MIA2: variants seen among roughly 807,000 people sequenced by gnomAD.
The protein encoded by MIA2 is melanoma inhibitory activity protein 2.
MIA2 carries 127 observed loss-of-function variants against 167.8 expected under a neutral mutation model. The ratio of observed to expected loss-of-function variants is 0.76; its 90% CI spans 0.66 to 0.88. The LOEUF is 0.88. Ranked by LOEUF, MIA2 falls within the 40% of genes least tolerant of loss-of-function variation. The pLI is 0.00. For missense variants in MIA2, 1,690 were observed against 1,624.7 expected, an observed-to-expected ratio of 1.04 and a Z score of -0.69; for synonymous variants, 552 against 541.9, an observed-to-expected ratio of 1.02 and a Z score of -0.26.
At chr14:39,311,144 T>C (rs1259459934) in intron 18 of MIA2, among the ~76,000 whole-genome samples, 2 of 152,220 alleles carry the variant, frequency 1.3e-5, no homozygotes, top group Non-Finnish European at 2.9e-5. Context: ...GTACCCTAGT[T>C]GTGTGTGTTG....
In MIA2 at chr14:39,319,276, A is replaced by G; in HGVS notation, c.3352A>G (p.Thr1118Ala). Reference protein sequence around the residue: ...KDPYALDVPNTAFGREHSPYG... With the variant: ...KDPYALDVPNAAFGREHSPYG... Reference sequence around the variant, plus strand: ...TCCTTATGCACTCGATGTTCCAAATACAGCATTTGGCAGAGGTAGTCTTTT... The same window carrying G: ...TCCTTATGCACTCGATGTTCCAAATGCAGCATTTGGCAGAGGTAGTCTTTT... Residue 1118 changes from threonine (T) to alanine (A), a missense_variant, in exon 23 of 29, where the codon ACA (threonine) becomes GCA (alanine). Transcript: ENST00000640607. 1.3e-6 allele frequency: 2 copies of G among 1,546,360 alleles called. No individual in the cohort carries two copies. Among genetic ancestry groups the G allele is most frequent in the Non-Finnish European group, 1.7e-6 (2 of 1,144,314 alleles).
chr14:39,241,006 T>C (rs1226594690), intron 3 of MIA2, among the ~76,000 whole-genome samples: 1 of 152,222 alleles, frequency 6.6e-6, no homozygotes. Context: ...GAGTATAATA[T>C]AGTGCTACCT....
intron 23 of MIA2, among the ~76,000 whole-genome samples, chr14:39,363,161 G>GTAT (rs2139289280): frequency 6.6e-6 from 1 of 152,328 alleles, no homozygotes; most frequent in East Asian, 1.9e-4. Flanking sequence ...TGAGAAGAAT[G>GTAT]TATATTCTAC....
At chr14:39,277,572 C>T (rs1393299579) in intron 7 of MIA2, among the ~76,000 whole-genome samples, 1 of 149,022 alleles carries the variant, frequency 6.7e-6, no homozygotes, top group African/African-American at 2.5e-5. Context: ...TGGTCTCAAA[C>T]TCCTGGGCTC....
intron 23 of MIA2, among the ~76,000 whole-genome samples, chr14:39,356,801 C>T (rs1045929093): frequency 4.6e-5 from 7 of 152,130 alleles, no homozygotes; most frequent in Non-Finnish European, 8.8e-5. Context: ...GCCTTTATTT[C>T]GTTATGTACC....
intron 24 of MIA2, among the ~76,000 whole-genome samples, chr14:39,323,688 A>G (rs2152981695): frequency 6.6e-6 from 1 of 152,324 alleles, no homozygotes; most frequent in South Asian, 2.1e-4. Context: ...GCAGTCTGAA[A>G]AAACAGTGCC....
At chr14:39,301,595 A>G (rs188046572) in intron 14 of MIA2, among the ~76,000 whole-genome samples, 22 of 152,322 alleles carry the variant, frequency 1.4e-4, no homozygotes, top group African/African-American at 5.1e-4. Context: ...ACGTCATTTG[A>G]TTATCTGTAG....
intron 6 of MIA2, among the ~76,000 whole-genome samples, chr14:39,262,355 G>A (rs1270143965): frequency 1.3e-5 from 2 of 152,154 alleles, no homozygotes; most frequent in African/African-American, 4.8e-5. Flanking sequence ...TGAGGCCTGT[G>A]TTCTGTTCCA....
intron 3 of MIA2, among the ~76,000 whole-genome samples, chr14:39,242,169 C>T (rs1393607408): frequency 1.3e-5 from 2 of 152,008 alleles, no homozygotes; most frequent in African/African-American, 4.8e-5. Context: ...TTATGTATAC[C>T]AATTATACCT....
In MIA2 at chr14:39,326,982, T is replaced by G. The variant is rs149905617; in HGVS notation, c.3615T>G (p.Pro1205=). 1.1e-4 allele frequency: 178 copies of G among 1,575,496 alleles called. No homozygotes were observed. Among genetic ancestry groups the G allele is most frequent in the Non-Finnish European group, 1.4e-4 (167 of 1,164,306 alleles). Residue 1205 remains proline (P), a synonymous_variant, in exon 25 of 29, where the codon CCT becomes CCG. Coordinates refer to ENST00000640607, the MANE Select transcript of MIA2 (RefSeq NM_001329214.4). ...CCTCTGACACTGGGTCTCTGTCACC[T>G]CCATGGGACCAGGACCGTAGGATGA... ...RAPSDTGSLS[P]PWDQDRRMMF...
chr14:39,372,080 T>G (rs902306931), intron 23 of MIA2, among the ~76,000 whole-genome samples: 17 of 152,296 alleles, frequency 1.1e-4, no homozygotes, highest in African/African-American at 4.1e-4. Context: ...GATCGGGAGC[T>G]TCCCCCTGTG....
At position 39,267,663 on chromosome 14, in the gene MIA2, G is replaced by T. The variant is rs1432380856; in HGVS notation, c.1888-9271G>T. The T allele has an allele frequency of 5.9e-6, 6 of 1,012,428 alleles. No homozygotes were observed. In the Admixed American group the frequency reaches 8.2e-5, roughly 14 times the overall value. 62.7% of individuals were successfully genotyped at this position (1,012,428 alleles called of 1,614,324 possible). A position where few individuals can be genotyped will look rare whatever the true frequency, so the allele number is the denominator to read the frequency against. On this transcript the variant is annotated intron_variant, in intron 6 of 28. Transcript: ENST00000640607. Reference sequence around the variant, plus strand: ...AGTCCTCGTCTGCTGCCCGGCTCCCGCCCGTGTTCGAGGCAGTAGTTAGGC... The same window carrying T: ...AGTCCTCGTCTGCTGCCCGGCTCCCTCCCGTGTTCGAGGCAGTAGTTAGGC...
chr14:39,334,004 G>C (rs2069617797), intron 25 of MIA2, among the ~76,000 whole-genome samples: 1 of 152,140 alleles, frequency 6.6e-6, no homozygotes, highest in South Asian at 2.1e-4. Flanking sequence ...CACAGTAAAG[G>C]AATTTTCAGT....
At chr14:39,290,811 G>A (rs573024522) in intron 9 of MIA2, among the ~76,000 whole-genome samples, 66 of 152,298 alleles carry the variant, frequency 4.3e-4, no homozygotes, top group African/African-American at 1.5e-3. Context: ...TCTGGCATTT[G>A]TTGCCAGAGC....
At chr14:39,245,410 T>C (rs754412662) in intron 3 of MIA2, among the ~76,000 whole-genome samples, 1 of 151,948 alleles carries the variant, frequency 6.6e-6, no homozygotes, top group African/African-American at 2.4e-5. Flanking sequence ...AAAAATCCCA[T>C]AGTATTTTTT....
rs1027882171 is a variant in MIA2 at position 39,266,704 on chromosome 14, G to C, written c.1888-10230G>C. The C allele has an allele frequency of 3.0e-6, 3 of 985,502 alleles. No homozygotes were observed. The African/African-American group carries it at 5.2e-5, about 17-fold the overall frequency. The allele number at this position is 985,502 out of a possible 1,614,324, so 61.0% of individuals were successfully genotyped here. A position where few individuals can be genotyped will look rare whatever the true frequency, so the allele number is the denominator to read the frequency against. On this transcript the variant is annotated intron_variant, in intron 6 of 28. Transcript: ENST00000640607. ...CTGACTGGAATGACGGCGGCGGCTG[G>C]CTTCTCGGGGCTGCCGGGGTCTCCC...
intron 18 of MIA2, among the ~76,000 whole-genome samples, chr14:39,312,721 T>C (rs1156378180): frequency 1.3e-5 from 2 of 152,120 alleles, no homozygotes; most frequent in Non-Finnish European, 2.9e-5. Flanking sequence ...ACCACCCTTC[T>C]TGTAGAGCTG....
chr14:39,339,948 T>G (rs995092100), intron 25 of MIA2, among the ~76,000 whole-genome samples: 4 of 152,176 alleles, frequency 2.6e-5, no homozygotes, highest in Admixed American at 2.0e-4. Context: ...TGGGCCCAAG[T>G]GATCCTCCTG....
chr14:39,368,320 A>C (rs764456713), intron 23 of MIA2, among the ~76,000 whole-genome samples: 1 of 152,218 alleles, frequency 6.6e-6, no homozygotes, highest in Non-Finnish European at 1.5e-5. Context: ...TCTCTGAGAA[A>C]GTCTCAGGCA....
Sources: allele counts gnomAD v4.1 joint callset (sites outside exome capture counted in the v4.1 genomes callset), GRCh38; gene constraint gnomAD v4.1.1; transcripts MANE v1.5; gene names NCBI Gene and HGNC (gene_info 2026-07-23, HGNC 2026-07-21).